TMTC1: variants seen among roughly 807,000 people sequenced by gnomAD.
TMTC1 encodes protein O-mannosyl-transferase TMTC1.
A neutral mutation model predicts 104.8 loss-of-function variants in TMTC1; 73 were observed. That is an observed-to-expected ratio of 0.70 (90% CI 0.58 to 0.85). The LOEUF (loss-of-function observed/expected upper bound fraction) is 0.85. Ranked by LOEUF, TMTC1 falls within the 40% of genes least tolerant of loss-of-function variation. The pLI is 0.00. For missense variants in TMTC1, 1,035 were observed against 1,096.1 expected, an observed-to-expected ratio of 0.94 and a Z score of 0.79; for synonymous variants, 434 against 428.7, an observed-to-expected ratio of 1.01 and a Z score of -0.15.
At chr12:29,668,473 T>TTTTTTTTTTTTTA (rs1940374628) in intron 5 of TMTC1, among the ~76,000 whole-genome samples, 1 of 145,558 alleles carries the variant, frequency 6.9e-6, no homozygotes, top group Non-Finnish European at 1.5e-5. Context: ...TTTTTTTTTT[T>TTTTTTTTTTTTTA]TTTTTGAGAT....
At chr12:29,551,831 C>T (rs1457825776) in intron 10 of TMTC1, among the ~76,000 whole-genome samples, 1 of 146,908 alleles carries the variant, frequency 6.8e-6, no homozygotes, top group Non-Finnish European at 1.5e-5. Flanking sequence ...CCAAAGCCAA[C>T]AAGAATTAAT....
At chr12:29,714,656 A>ACC (rs35825692) in intron 5 of TMTC1, among the ~76,000 whole-genome samples, 1 of 152,084 alleles carries the variant, frequency 6.6e-6, no homozygotes, top group Admixed American at 6.5e-5. Context: ...GATCTGGGGT[A>ACC]CCCCCCCTGG....
At chr12:29,641,466 G>C (rs1020100488) in intron 5 of TMTC1, among the ~76,000 whole-genome samples, 1 of 152,090 alleles carries the variant, frequency 6.6e-6, no homozygotes, top group Non-Finnish European at 1.5e-5. Context: ...AGATTCAATG[G>C]GTGGCTAGAT....
intron 5 of TMTC1, among the ~76,000 whole-genome samples, chr12:29,686,401 G>A (rs1941095591): frequency 6.6e-6 from 1 of 152,184 alleles, no homozygotes; most frequent in African/African-American, 2.4e-5. Flanking sequence ...ATAGTGTGCT[G>A]GTAAACTGGT....
Position 29,503,648 on chromosome 12 carries a change from T to A in TMTC1, c.*3198A>T, listed in dbSNP as rs182812343. On this transcript the variant is annotated 3_prime_UTR_variant, in exon 18 of 18. Transcript: ENST00000539277. ...TGTTCAGAGTAACACAATCATAAAA[T>A]GAAACTCTGATCATTGGTTCAAATG... is the stretch of plus-strand genomic sequence containing the variant. 1 of 152,276 alleles carries A rather than the reference T, an allele frequency of 6.6e-6. No individual in the cohort carries two copies. Among genetic ancestry groups the A allele is most frequent in the African/African-American group, 2.4e-5 (1 of 41,556 alleles). The allele number at this position is 152,276 out of a possible 1,614,324, so 9.4% of individuals were successfully genotyped here.
chr12:29,555,132 T>TC (rs1224503936), intron 10 of TMTC1, among the ~76,000 whole-genome samples: 1 of 75,260 alleles, frequency 1.3e-5, no homozygotes, highest in African/African-American at 4.6e-5. Context: ...AGTTCCAACA[T>TC]CCTTTTTTTT....
chr12:29,676,910 TGAA>T (rs1341478941), intron 5 of TMTC1, among the ~76,000 whole-genome samples: 1 of 152,096 alleles, frequency 6.6e-6, no homozygotes, highest in Admixed American at 6.6e-5. Context: ...CCACAGTGTG[TGAA>T]GAAGAAAAAC....
chr12:29,580,336 TAAATA>T (rs975342834), intron 8 of TMTC1, among the ~76,000 whole-genome samples: 3 of 151,880 alleles, frequency 2.0e-5, no homozygotes. Context: ...AATAAATGAA[TAAATA>T]AAATAAAATA....
intron 11 of TMTC1, among the ~76,000 whole-genome samples, chr12:29,532,358 T>A (rs1392849202): frequency 2.0e-5 from 3 of 152,106 alleles, no homozygotes; most frequent in Non-Finnish European, 4.4e-5. Context: ...ATTCTGGAAT[T>A]TATCATTAGG....
intron 6 of TMTC1, among the ~76,000 whole-genome samples, chr12:29,605,524 T>G (rs1039153249): frequency 7.2e-6 from 1 of 139,608 alleles, no homozygotes; most frequent in East Asian, 2.1e-4. Context: ...AAATAGATTA[T>G]GTAACAAGCC....
intron 5 of TMTC1, among the ~76,000 whole-genome samples, chr12:29,646,915 G>A (rs961130309): frequency 3.3e-5 from 5 of 152,100 alleles, no homozygotes; most frequent in Admixed American, 3.3e-4. Context: ...TCTGTCAGAT[G>A]AATCAGAGAA....
At chr12:29,609,241 C>T (rs1456743396) in intron 6 of TMTC1, among the ~76,000 whole-genome samples, 1 of 152,122 alleles carries the variant, frequency 6.6e-6, no homozygotes, top group Non-Finnish European at 1.5e-5. Context: ...TATTTGGCAG[C>T]CCTAGGATCT....
At chr12:29,761,047 CAT>C (rs1189280077) in intron 2 of TMTC1, among the ~76,000 whole-genome samples, 2 of 147,158 alleles carry the variant, frequency 1.4e-5, no homozygotes, top group Non-Finnish European at 1.5e-5. Context: ...AATTGTATAA[CAT>C]ATTAATAAGT....
chr12:29,611,175 TTC>T (rs1245012742), intron 6 of TMTC1, among the ~76,000 whole-genome samples: 7 of 122,282 alleles, frequency 5.7e-5, no homozygotes, highest in African/African-American at 2.4e-4. Flanking sequence ...GGTTCTGAAC[TTC>T]TTTTTTTTTT....
chr12:29,592,229 G>A, intron 7 of TMTC1, among the ~76,000 whole-genome samples: 1 of 152,208 alleles, frequency 6.6e-6, no homozygotes, highest in East Asian at 1.9e-4. Flanking sequence ...GTGAAACCTA[G>A]TCCTAATTAG....
chr12:29,686,042 A>G lies in TMTC1; in HGVS notation c.939-52706T>C, dbSNP rs189933893. 2.8e-3 allele frequency among the ~76,000 whole-genome samples: 424 copies of G among 152,202 alleles called. 2 individuals carry two copies. The highest frequency in any genetic ancestry group is 9.6e-3 in the African/African-American group (398 of 41,536). On this transcript the variant is annotated intron_variant, in intron 5 of 17. Transcript: ENST00000539277. ...AGTTTTTAAATTTCTACTGAACCCA[A>G]TTCAGCACCTGCTCAAGTCACTGAA... is the stretch of plus-strand genomic sequence containing the variant.
At chr12:29,626,214 G>T (rs984401553) in intron 6 of TMTC1, among the ~76,000 whole-genome samples, 2 of 152,132 alleles carry the variant, frequency 1.3e-5, no homozygotes, top group Admixed American at 6.5e-5. Context: ...AAAAATATTT[G>T]TCCCCATGGG....
Position 29,783,575 on chromosome 12 carries a change from G to A in TMTC1, c.177C>T (p.Asn59=). 6.7e-7 allele frequency: 1 copy of A among 1,484,352 alleles called. No individual in the cohort carries two copies. The highest frequency in any genetic ancestry group is 1.3e-5 in the South Asian group (1 of 78,814). 91.9% of individuals were successfully genotyped at this position (1,484,352 alleles called of 1,614,324 possible). A position where few individuals can be genotyped will look rare whatever the true frequency, so the allele number is the denominator to read the frequency against. Residue 59 remains asparagine (N), a synonymous_variant, in exon 1 of 18, where the codon AAC becomes AAT. Transcript: ENST00000539277. This position sits in a 1 kb window ranked among gnomAD's most constrained non-coding sequence, Gnocchi z 4.7. ...GGGCGCCGGGCCGCACGTCGGGGTT[G>A]TTCACGATCGCCCACACGTCGTCGT... The part of the protein sequence containing the change: ...FVHDDVWAIV[N]NPDVRPGAPL...
At chr12:29,592,831 T>C (rs908405912) in intron 7 of TMTC1, among the ~76,000 whole-genome samples, 5 of 152,198 alleles carry the variant, frequency 3.3e-5, no homozygotes, top group South Asian at 2.1e-4. Flanking sequence ...TATAATGATA[T>C]TACTGTTAGG....
Sources: gnomAD v4.1 joint callset for allele counts (sites outside exome capture counted in the v4.1 genomes callset) on GRCh38, gnomAD v4.1.1 for gene constraint, Gnocchi (gnomAD v3.1) non-coding constraint, MANE v1.5 for transcripts, NCBI Gene and HGNC (gene_info 2026-07-23, HGNC 2026-07-21) for gene names.